Variants in UPP1 observed in about 807,000 individuals in gnomAD.
UPP1 encodes UPase 1.
In UPP1, 25 loss-of-function variants were observed where a neutral mutation model predicts 29.6. The ratio of observed to expected loss-of-function variants is 0.85; its 90% confidence interval spans 0.62 to 1.18. The LOEUF is 1.18. Among genes scored for constraint, UPP1 ranks in the 50% most tolerant of loss-of-function variants. The pLI is 0.00. For synonymous variants in UPP1, 165 were observed against 159.8 expected (o/e 1.03, Z -0.25); for missense variants, 368 against 410.4 (o/e 0.90, Z 0.89).
upstream of UPP1, chr7:48,089,203 C>G (rs1356498392): frequency 6.6e-6 from 1 of 152,322 alleles, no homozygotes; most frequent in Non-Finnish European, 1.5e-5. Context: ...AGCGGTAACC[C>G]CCGGGCAGGG....
intron 8 of UPP1, among the ~76,000 whole-genome samples, chr7:48,107,858 T>A (rs1284202468): frequency 6.6e-6 from 1 of 152,200 alleles, no homozygotes; most frequent in Admixed American, 6.5e-5. Context: ...CTAGCCACCC[T>A]TGAAGGCCAG....
upstream of UPP1, chr7:48,089,208 G>C (rs1791672285): frequency 6.6e-6 from 1 of 152,332 alleles, no homozygotes; most frequent in African/African-American, 2.4e-5. Context: ...TAACCCCCGG[G>C]CAGGGCGGGG....
intron 6 of UPP1, chr7:48,104,979 G>A (rs995261949): frequency 2.0e-5 from 3 of 152,220 alleles, no homozygotes; most frequent in African/African-American, 7.2e-5. Flanking sequence ...AAAAACCACT[G>A]GACACAGTTG....
intron 6 of UPP1, 70 bp from the exon 7 acceptor site, chr7:48,106,803 C>T (rs1465785652): frequency 3.4e-6 from 5 of 1,473,408 alleles, no homozygotes; most frequent in Non-Finnish European, 3.8e-6. Context: ...CTGTGTGCTC[C>T]CTGGCTGCCC....
chr7:48,097,182 A>G (rs1419573184), intron 3 of UPP1, among the ~76,000 whole-genome samples: 1 of 152,192 alleles, frequency 6.6e-6, no homozygotes, highest in African/African-American at 2.4e-5. Context: ...CAAAAAATAA[A>G]TTGGGGCATC....
Position 48,101,854 on chromosome 7 carries a change from A to G in UPP1, c.193A>G (p.Met65Val). ...GTGTGTTGGTGGAAGCCCCTCCCGG[A>G]TGAAAGCCTTCATCAGGTGCGTTGG... ...FVCVGGSPSR[M>V]KAFIRCVGAE... Residue 65 changes from methionine (M) to valine (V), a missense_variant, in exon 5 of 9, where the codon ATG becomes GTG. By Grantham distance (21) the Met-to-Val change is conservative. Coordinates refer to ENST00000395564, the MANE Select transcript of UPP1 (RefSeq NM_003364.4). 1 of 1,613,934 alleles carries G rather than the reference A, an allele frequency of 6.2e-7. No individual in the cohort carries two copies. The highest frequency in any genetic ancestry group is 1.3e-5 in the African/African-American group (1 of 74,966).
chr7:48,091,103 T>A (rs1168768345), intron 2 of UPP1, among the ~76,000 whole-genome samples: 2 of 152,170 alleles, frequency 1.3e-5, no homozygotes, highest in Admixed American at 1.3e-4. Context: ...TCCTCTTCCC[T>A]AAAGATAAAC....
intron 7 of UPP1, 123 bp downstream of exon 7, chr7:48,107,205 C>T: frequency 7.0e-7 from 1 of 1,421,578 alleles, no homozygotes; most frequent in Non-Finnish European, 9.7e-7. Context: ...TTACACTTCG[C>T]CCAGAGTGGT....
intron 4 of UPP1, among the ~76,000 whole-genome samples, chr7:48,100,600 G>A (rs1010064360): frequency 2.6e-5 from 4 of 152,022 alleles, no homozygotes; most frequent in African/African-American, 9.7e-5. Context: ...TTATCTTAAC[G>A]TAGGACTTTG....
At chr7:48,100,465 A>G (rs373477096) in intron 4 of UPP1, among the ~76,000 whole-genome samples, 1 of 152,174 alleles carries the variant, frequency 6.6e-6, no homozygotes, top group East Asian at 1.9e-4. Context: ...AGGTCATTGT[A>G]TTTTGTTTGT....
Position 48,108,413 on chromosome 7 carries a change from T to G in UPP1, c.*56T>G. The G allele has an allele frequency of 1.3e-6, 2 of 1,569,314 alleles. No individual in the cohort carries two copies. The highest frequency in any genetic ancestry group is 1.7e-6 in the Non-Finnish European group (2 of 1,149,996). ...TGATGACTTGCCATTAAAAGCATTG[T>G]CCAAAATCCCCTGTTGTGTGGACTT... On this transcript the variant is annotated 3_prime_UTR_variant, in exon 9 of 9. Transcript: ENST00000395564.
At chr7:48,098,587 G>A (rs1044328805) in intron 3 of UPP1, among the ~76,000 whole-genome samples, 3 of 152,032 alleles carry the variant, frequency 2.0e-5, no homozygotes, top group East Asian at 3.9e-4. Context: ...TGTGAGGGGG[G>A]TGCATCCCTT....
chr7:48,091,733 A>C (rs955934541), intron 2 of UPP1, among the ~76,000 whole-genome samples: 1 of 152,110 alleles, frequency 6.6e-6, no homozygotes, highest in Non-Finnish European at 1.5e-5. Context: ...TTCTTGGGAC[A>C]CTCACACCCA....
chr7:48,093,457 ACT>A (rs1293312757), intron 2 of UPP1, among the ~76,000 whole-genome samples: 1 of 151,762 alleles, frequency 6.6e-6, no homozygotes, highest in Non-Finnish European at 1.5e-5. Context: ...CCAGTGCTTC[ACT>A]CTCTTCCTCT....
chr7:48,093,329 T>C (rs951742968), intron 2 of UPP1, among the ~76,000 whole-genome samples: 8 of 152,226 alleles, frequency 5.3e-5, no homozygotes, highest in African/African-American at 1.2e-4. Flanking sequence ...GACAAGAGAC[T>C]GCTGAGTTAC....
At chr7:48,089,808 G>A (rs1237160603) in intron 1 of UPP1, among the ~76,000 whole-genome samples, 1 of 152,192 alleles carries the variant, frequency 6.6e-6, no homozygotes, top group Non-Finnish European at 1.5e-5. Flanking sequence ...GCAGGGCGCA[G>A]GCGGGCGCTT....
At chr7:48,092,147 A>G (rs1791874015) in intron 2 of UPP1, among the ~76,000 whole-genome samples, 1 of 152,032 alleles carries the variant, frequency 6.6e-6, no homozygotes, top group Non-Finnish European at 1.5e-5. Context: ...CCCTACCCCT[A>G]AAGACAAAAA....
At chr7:48,103,479 C>T in intron 6 of UPP1, 68 bp downstream of exon 6, 1 of 1,359,136 alleles carries the variant, frequency 7.4e-7, no homozygotes, top group Non-Finnish European at 1.1e-6. Context: ...AAGGCAGCTT[C>T]TACATGGTGT....
intron 2 of UPP1, 117 bp from the exon 3 acceptor site, chr7:48,094,646 T>C (rs1792029330): frequency 7.6e-6 from 6 of 786,480 alleles, no homozygotes. Context: ...CACACTTACA[T>C]CAGGTGTGTA....
Sources: allele counts gnomAD v4.1 joint callset (sites outside exome capture counted in the v4.1 genomes callset), GRCh38; gene constraint gnomAD v4.1.1; transcripts MANE v1.5; gene names NCBI Gene and HGNC (gene_info 2026-07-23, HGNC 2026-07-21).